RNF220: variants seen among roughly 807,000 people sequenced by gnomAD.
The protein encoded by RNF220 is ring finger protein 220.
RNF220 carries 7 observed loss-of-function variants against 67.1 expected under a neutral mutation model. That is an observed-to-expected ratio of 0.10 (90% CI 0.06 to 0.20). The LOEUF is 0.20. Among genes scored for constraint, RNF220 ranks in the 10% least tolerant of loss-of-function variants. RNF220 has a pLI of 1.00. For missense variants in RNF220, 565 were observed against 740.3 expected (o/e 0.76, Z 2.75); for synonymous variants, 270 against 283.2 (o/e 0.95, Z 0.47).
In RNF220 at chr1:44,641,818, G is replaced by C. The variant is rs986039954; in HGVS notation, c.1127-2880G>C. Among the ~76,000 whole-genome samples, 5 of 152,334 alleles carry C rather than the reference G, an allele frequency of 3.3e-5. No homozygotes were observed. In the South Asian group the frequency reaches 1.0e-3, roughly 32 times the overall value. Reference sequence around the variant, plus strand: ...ACATCTGTCTCAGCTGGAGGATGGGGTCAGGGTCAGAGTGAATGGCTCAGA... The same window carrying C: ...ACATCTGTCTCAGCTGGAGGATGGGCTCAGGGTCAGAGTGAATGGCTCAGA... On this transcript the variant is annotated intron_variant, in intron 8 of 14. Coordinates refer to ENST00000361799, the MANE Select transcript of RNF220 (RefSeq NM_018150.4).
intron 2 of RNF220, among the ~76,000 whole-genome samples, chr1:44,426,849 C>T (rs1276588997): frequency 2.0e-5 from 3 of 152,128 alleles, no homozygotes; most frequent in Non-Finnish European, 2.9e-5. Context: ...TTAACAAGTT[C>T]CAGGGTTATT....
chr1:44,491,103 C>T (rs894151228), intron 2 of RNF220, among the ~76,000 whole-genome samples: 3 of 152,072 alleles, frequency 2.0e-5, no homozygotes, highest in African/African-American at 7.2e-5. Flanking sequence ...ATATTTCCCA[C>T]AAAGAAAAGT....
chr1:44,555,926 T>C (rs569018782), intron 2 of RNF220, among the ~76,000 whole-genome samples: 8 of 150,916 alleles, frequency 5.3e-5, no homozygotes, highest in African/African-American at 2.0e-4. Context: ...CCTTCCTTGA[T>C]GTCGTTAATT....
intron 2 of RNF220, among the ~76,000 whole-genome samples, chr1:44,445,610 T>G (rs1436836793): frequency 4.6e-5 from 7 of 152,180 alleles, no homozygotes; most frequent in African/African-American, 1.7e-4. Context: ...TGGTTACCCT[T>G]TTTCTTCCCT....
rs528200840 is a variant in RNF220 at position 44,443,866 on chromosome 1, G to A, written c.625+31144G>A. On this transcript the variant is annotated intron_variant, in intron 2 of 14. Coordinates refer to ENST00000361799, the MANE Select transcript of RNF220 (RefSeq NM_018150.4). ...AGCACTTTGGGAGGCCGAGGCAGGCGGATCGCCTGAGGTCAGGAGTTCGAG... is the reference window on the plus strand; with the variant it reads ...AGCACTTTGGGAGGCCGAGGCAGGCAGATCGCCTGAGGTCAGGAGTTCGAG... Among the ~76,000 whole-genome samples, 905 of 152,280 alleles carry A rather than the reference G, an allele frequency of 5.9e-3. 3 individuals carry two copies. Among genetic ancestry groups the A allele is most frequent in the Non-Finnish European group, 9.7e-3 (662 of 68,010 alleles).
At chr1:44,471,017 A>G (rs115008088) in intron 2 of RNF220, among the ~76,000 whole-genome samples, 1,767 of 152,202 alleles carry the variant, frequency 0.012, 33 homozygotes, top group African/African-American at 0.04. Flanking sequence ...ACTTGAGCTC[A>G]GGCATTCGAG....
intron 2 of RNF220, among the ~76,000 whole-genome samples, chr1:44,592,969 A>G (rs960034265): frequency 1.3e-5 from 2 of 152,196 alleles, no homozygotes; most frequent in Non-Finnish European, 2.9e-5. Context: ...AAATGAGGAT[A>G]TAAGCTTGAG....
chr1:44,435,078 T>C (rs190580979), intron 2 of RNF220, among the ~76,000 whole-genome samples: 133 of 149,214 alleles, frequency 8.9e-4, no homozygotes, highest in African/African-American at 3.1e-3. Context: ...GTTTTTGAAA[T>C]ATCCACAGTA....
intron 3 of RNF220, among the ~76,000 whole-genome samples, chr1:44,617,542 A>ACGGC (rs1219507386): frequency 2.0e-5 from 3 of 152,248 alleles, no homozygotes; most frequent in African/African-American, 7.2e-5. Flanking sequence ...CTCCGGGCTG[A>ACGGC]CGGCCGTTCA....
At chr1:44,593,108 A>G (rs934579994) in intron 2 of RNF220, among the ~76,000 whole-genome samples, 1 of 152,172 alleles carries the variant, frequency 6.6e-6, no homozygotes, top group Non-Finnish European at 1.5e-5. Flanking sequence ...ACCATACCCA[A>G]TCTTCTCTCC....
chr1:44,602,995 G>C (rs189167497), intron 2 of RNF220, among the ~76,000 whole-genome samples: 2 of 151,734 alleles, frequency 1.3e-5, no homozygotes, highest in Admixed American at 6.6e-5. Flanking sequence ...CCTCCTCCTC[G>C]GGCCGCCACC....
In RNF220 at chr1:44,622,784, A is replaced by C. The variant is rs1304784706; in HGVS notation, c.801A>C (p.Pro267=). Reference sequence around the variant, plus strand: ...AGGATGCCATGGCTCCAGGCACCCCAAAGGTAGGTGGCCAATTACATGTTT... The same window carrying C: ...AGGATGCCATGGCTCCAGGCACCCCCAAGGTAGGTGGCCAATTACATGTTT... ...LLKDAMAPGT[P]KSLLLSASIK... The change falls in exon 4 of 15, where the codon CCA becomes CCC. Residue 267 remains proline (P), a synonymous_variant. Transcript: ENST00000361799. The surrounding 1 kb of genome is among the most constrained non-coding windows in gnomAD (Gnocchi z 4.3). The C allele has an allele frequency of 6.2e-7, 1 of 1,613,820 alleles. No homozygotes were observed.
intron 2 of RNF220, among the ~76,000 whole-genome samples, chr1:44,598,064 C>T (rs1465700457): frequency 2.6e-5 from 4 of 152,032 alleles, no homozygotes; most frequent in African/African-American, 4.8e-5. Context: ...CCGCCCCCTC[C>T]AAGAGTCAGG....
intron 2 of RNF220, among the ~76,000 whole-genome samples, chr1:44,533,347 C>T (rs1254444241): frequency 6.6e-6 from 1 of 151,896 alleles, no homozygotes; most frequent in Non-Finnish European, 1.5e-5. Flanking sequence ...GAAAAATGAG[C>T]TGAGCATAGT....
intron 2 of RNF220, among the ~76,000 whole-genome samples, chr1:44,427,302 A>C (rs1207288556): frequency 1.3e-5 from 2 of 152,332 alleles, no homozygotes; most frequent in East Asian, 3.9e-4. Flanking sequence ...AACAAGAATA[A>C]TACTTGTATT....
At chr1:44,416,677 C>G (rs1190853231) in intron 2 of RNF220, among the ~76,000 whole-genome samples, 2 of 152,242 alleles carry the variant, frequency 1.3e-5, no homozygotes, top group African/African-American at 4.8e-5. Context: ...TGTCTTCTGG[C>G]TTACCCCAGG....
chr1:44,512,548 CCTAA>C (rs892458253), intron 2 of RNF220, among the ~76,000 whole-genome samples: 3 of 151,910 alleles, frequency 2.0e-5, no homozygotes, highest in East Asian at 3.9e-4. Context: ...TGGTAATGAT[CCTAA>C]CTGACTCCAC....
rs57584973 is a variant in RNF220 at position 44,453,575 on chromosome 1, T to A, written c.625+40853T>A. On this transcript the variant is annotated intron_variant, in intron 2 of 14. Transcript: ENST00000361799. ...TTCATGGTGATCATGAGGTTTTACC[T>A]CCTGTAAACTATTAAGGTAATGGAT... is the stretch of plus-strand genomic sequence containing the variant. 1.0e-2 allele frequency among the ~76,000 whole-genome samples: 1,518 copies of A among 152,178 alleles called. 31 individuals carry two copies. The highest frequency in any genetic ancestry group is 0.035 in the African/African-American group (1,450 of 41,536).
chr1:44,560,996 C>T (rs1663527664), intron 2 of RNF220, among the ~76,000 whole-genome samples: 1 of 152,198 alleles, frequency 6.6e-6, no homozygotes, highest in Admixed American at 6.5e-5. Flanking sequence ...AACAATTCTT[C>T]ATTAATTCTT....
Sources: allele counts gnomAD v4.1 joint callset (sites outside exome capture counted in the v4.1 genomes callset), GRCh38; gene constraint gnomAD v4.1.1; non-coding constraint Gnocchi (gnomAD v3.1); transcripts MANE v1.5; gene names NCBI Gene and HGNC (gene_info 2026-07-23, HGNC 2026-07-21).